The following ATR variants were observed in gnomAD, a reference collection of about 807,000 sequenced individuals.
The protein encoded by ATR is serine/threonine-protein kinase ATR.
In ATR, 142 loss-of-function variants were observed where a neutral mutation model predicts 305.3. The ratio of observed to expected loss-of-function variants is 0.47; its 90% confidence interval spans 0.41 to 0.53. The LOEUF is 0.53. Ranked by LOEUF, ATR falls within the 20% of genes least tolerant of loss-of-function variation. ATR has a pLI of 0.00. For missense variants in ATR, 2,135 were observed against 3,133.1 expected (o/e 0.68, Z 7.60); for synonymous variants, 1,050 against 1,068.1 (o/e 0.98, Z 0.33).
At chr3:142,466,207 A>G in intron 40 of ATR, 117 bp downstream of exon 40, 3 of 1,200,992 alleles carry the variant, frequency 2.5e-6, no homozygotes, top group Non-Finnish European at 3.6e-6. Flanking sequence ...TGTATTTCCA[A>G]TTATTTTTCT....
chr3:142,529,624 CA>C (rs2033558357), intron 21 of ATR, among the ~76,000 whole-genome samples: 1 of 152,068 alleles, frequency 6.6e-6, no homozygotes, highest in East Asian at 1.9e-4. Flanking sequence ...TTGTGAAAAC[CA>C]TATTACTTCA....
rs1447253574 is a variant in ATR, at chr3:142,469,494, T to C, written c.6395A>G (p.Tyr2132Cys). Residue 2132 changes from tyrosine to cysteine, a missense_variant, in exon 38 of 47, where the codon TAT becomes TGT. Physicochemically the swap from Tyr to Cys is radical, Grantham distance 194. Around this residue, in one of 9 missense-constraint regions of ATR, gnomAD observed 462 missense variants for 887.6 expected, o/e 0.52. Coordinates refer to ENST00000350721, the MANE Select transcript of ATR (RefSeq NM_001184.4). ...AGTCAAAAATTGATATGGAGCTAAA[T>C]AGTTTGTATGCTCTGTGATAACCTT... Reference protein sequence around the residue: ...INKVITEHTNYLAPYQFLTAF... With the variant: ...INKVITEHTNCLAPYQFLTAF... The C allele has an allele frequency of 6.2e-7, 1 of 1,613,892 alleles. No individual in the cohort carries two copies. The highest frequency in any genetic ancestry group is 1.7e-5 in the Admixed American group (1 of 59,970).
chr3:142,483,147 AG>A (rs1301349574), intron 36 of ATR, among the ~76,000 whole-genome samples: 1 of 150,858 alleles, frequency 6.6e-6, no homozygotes, highest in East Asian at 1.9e-4. Context: ...CTAGGACTAC[AG>A]GCACACACCA....
rs759654086 is a variant in ATR at position 142,553,964 on chromosome 3, T to A, written c.2393A>T (p.Asp798Val). The A allele has an allele frequency of 1.6e-5, 26 of 1,610,956 alleles. No individual in the cohort carries two copies. Among genetic ancestry groups the A allele is most frequent in the Non-Finnish European group, 2.0e-5 (23 of 1,178,766 alleles). The change falls in exon 11 of 47, where the codon GAT becomes GTT. Residue 798 changes from aspartate (D) to valine (V), a missense_variant. Transcript: ENST00000350721. ...HLCKHLDFREDETDVKAVLGT... is the reference protein window; with the variant it reads ...HLCKHLDFREVETDVKAVLGT... ...AAGAACTGCTTTTACATCTGTTTCA[T>A]CTTCTCTAAAATCAAGATGCTTACA... is the stretch of plus-strand genomic sequence containing the variant.
intron 35 of ATR, among the ~76,000 whole-genome samples, chr3:142,491,644 T>C (rs2031285508): frequency 1.3e-5 from 2 of 152,196 alleles, no homozygotes; most frequent in East Asian, 1.9e-4. Flanking sequence ...TAGGATAATA[T>C]AGTTTTTAAT....
At chr3:142,511,179 G>C (rs1031370429) in intron 27 of ATR, among the ~76,000 whole-genome samples, 1 of 151,720 alleles carries the variant, frequency 6.6e-6, no homozygotes, top group Non-Finnish European at 1.5e-5. Context: ...AGTGAAGAAT[G>C]ACAAAGAACA....
At chr3:142,457,836 C>A (rs951713907) in intron 44 of ATR, 81 bp from the exon 45 acceptor site, 3 of 1,521,186 alleles carry the variant, frequency 2.0e-6, no homozygotes, top group Non-Finnish European at 2.7e-6. Context: ...TGTCCAGATT[C>A]TTTTAGCAAA....
At chr3:142,519,303 A>AT (rs112517629) in intron 24 of ATR, among the ~76,000 whole-genome samples, 266 of 144,472 alleles carry the variant, frequency 1.8e-3, no homozygotes, top group East Asian at 4.8e-3. Context: ...AATCACATTA[A>AT]TTTTTTTTTT....
chr3:142,504,860 G>A (rs533574436), intron 29 of ATR, among the ~76,000 whole-genome samples: 1 of 152,106 alleles, frequency 6.6e-6, no homozygotes, highest in Non-Finnish European at 1.5e-5. Flanking sequence ...GACACTCAGT[G>A]ACACTGACAG....
At chr3:142,522,092 G>C (rs7630130) in intron 23 of ATR, among the ~76,000 whole-genome samples, 95,878 of 152,072 alleles carry the variant, frequency 0.63, 31,159 homozygotes, top group African/African-American at 0.79. Context: ...CAACCACCAC[G>C]GTAATTAATC....
intron 3 of ATR, among the ~76,000 whole-genome samples, chr3:142,565,733 TAAAAAAAAAAAAAAAA>T (rs55690216): frequency 2.5e-5 from 2 of 79,324 alleles, no homozygotes; most frequent in Non-Finnish European, 4.6e-5. Context: ...CTGTCTTATT[TAAAAAAAAAAAAAAAA>T]AAAAAAAAAG....
At chr3:142,574,552 G>A (rs189540077) in intron 1 of ATR, among the ~76,000 whole-genome samples, 91 of 152,096 alleles carry the variant, frequency 6.0e-4, no homozygotes, top group Non-Finnish European at 1.1e-3. Flanking sequence ...AGCTAAGAGG[G>A]TATAACTTTT....
intron 1 of ATR, among the ~76,000 whole-genome samples, chr3:142,571,534 C>T (rs933186428): frequency 2.0e-5 from 3 of 151,630 alleles, no homozygotes; most frequent in African/African-American, 7.3e-5. Flanking sequence ...TCATGTACAC[C>T]CAAAGCAGGG....
Position 142,542,690 on chromosome 3 carries a change from C to A in ATR, c.3425G>T (p.Ser1142Ile), listed in dbSNP as rs1458683345. Residue 1142 changes from serine to isoleucine, a missense_variant, in exon 17 of 47, where the codon AGT (serine) becomes ATT (isoleucine). By Grantham distance (142) the Ser-to-Ile change is moderately radical. Around this residue, in one of 9 missense-constraint regions of ATR, gnomAD observed 530 missense variants for 766.8 expected, o/e 0.69. Transcript: ENST00000350721. The stretch of plus-strand genomic sequence containing the variant: ...CATTTTCTTATCTTCAATGCCAACA[C>A]TAGAGCTCAGTAACTGCATGTTAAA... The part of the protein sequence containing the change: ...AFFNMQLLSS[S>I]VGIEDKKMAL... The A allele has an allele frequency of 6.2e-7, 1 of 1,613,218 alleles. No individual in the cohort carries two copies. The highest frequency in any genetic ancestry group is 1.3e-5 in the African/African-American group (1 of 74,838).
intron 21 of ATR, 62 bp downstream of exon 21, chr3:142,535,018 C>T: frequency 6.6e-7 from 1 of 1,515,172 alleles, no homozygotes; most frequent in Non-Finnish European, 9.0e-7. Flanking sequence ...ATTTTGTCAT[C>T]TTTTCTTTAA....
rs2070724524 is a variant in ATR, at chr3:142,449,369, A to G, written c.*60T>C. 2.7e-6 allele frequency: 4 copies of G among 1,492,022 alleles called. No homozygotes were observed. Among genetic ancestry groups the G allele is most frequent in the Non-Finnish European group, 1.9e-6 (2 of 1,071,016 alleles). 92.4% of individuals were successfully genotyped at this position (1,492,022 alleles called of 1,614,324 possible). On this transcript the variant is annotated 3_prime_UTR_variant, in exon 47 of 47. Transcript: ENST00000350721. The stretch of plus-strand genomic sequence containing the variant: ...TTTAGAATTGAACAGATACAACCAC[A>G]GATTCATACCAAATGCATTACTTTT...
At chr3:142,516,604 C>G (rs560309046) in intron 24 of ATR, among the ~76,000 whole-genome samples, 1 of 152,294 alleles carries the variant, frequency 6.6e-6, no homozygotes, top group East Asian at 1.9e-4. Flanking sequence ...CCTCCTACTT[C>G]ACAGAGTAAA....
intron 36 of ATR, 28 bp downstream of exon 36, chr3:142,485,112 T>A (rs764096305): frequency 6.2e-7 from 1 of 1,612,634 alleles, no homozygotes; most frequent in Non-Finnish European, 8.5e-7. Context: ...ACATATTTAA[T>A]CTGCAAACAT....
intron 31 of ATR, 136 bp from the exon 32 acceptor site, chr3:142,498,910 T>A: frequency 2.4e-6 from 2 of 846,328 alleles, no homozygotes; most frequent in Non-Finnish European, 3.8e-6. Context: ...AGACAGAGTC[T>A]CACTCTGTGG....
Sources: allele counts gnomAD v4.1 joint callset (sites outside exome capture counted in the v4.1 genomes callset), GRCh38; gene constraint gnomAD v4.1.1; regional missense constraint gnomAD v4.1.1; transcripts MANE v1.5; gene names NCBI Gene and HGNC (gene_info 2026-07-23, HGNC 2026-07-21).